Variants in CRPPA observed in about 807,000 individuals in gnomAD.
CRPPA encodes the protein CDP-L-ribitol pyrophosphorylase A, also known as D-ribitol-5-phosphate cytidylyltransferase.
CRPPA carries 43 observed loss-of-function variants against 52.0 expected under a neutral mutation model. That is an observed-to-expected ratio of 0.83 (90% CI 0.65 to 1.07). The LOEUF (loss-of-function observed/expected upper bound fraction) is 1.07. Among genes scored for constraint, CRPPA ranks in the 50% least tolerant of loss-of-function variants. The pLI, the probability that CRPPA is intolerant of heterozygous loss-of-function variation, is 0.00. For missense variants in CRPPA, 629 were observed against 551.7 expected (o/e 1.14, Z -1.40); for synonymous variants, 250 against 203.5 (o/e 1.23, Z -1.94).
At chr7:16,248,710 G>T (rs1422776420) in intron 8 of CRPPA, among the ~76,000 whole-genome samples, 2 of 152,316 alleles carry the variant, frequency 1.3e-5, no homozygotes, top group African/African-American at 4.8e-5. Flanking sequence ...ATTGGGACTG[G>T]TTGGACAGTG....
chr7:16,097,518 G>C (rs1047936761), intron 9 of CRPPA, among the ~76,000 whole-genome samples: 2 of 152,112 alleles, frequency 1.3e-5, no homozygotes, highest in African/African-American at 4.8e-5. Flanking sequence ...ATGCACAAAA[G>C]AAGAGCTCTA....
chr7:16,243,727 A>C (rs1783190702), intron 8 of CRPPA, among the ~76,000 whole-genome samples: 2 of 152,204 alleles, frequency 1.3e-5, no homozygotes, highest in African/African-American at 4.8e-5. Flanking sequence ...ACACTTTGGG[A>C]GGCCAAGGTG....
intron 5 of CRPPA, among the ~76,000 whole-genome samples, chr7:16,299,675 A>T (rs895282818): frequency 2.6e-5 from 4 of 152,232 alleles, no homozygotes; most frequent in African/African-American, 9.7e-5. Context: ...AGCTGTTTAC[A>T]CTAGGCAGGT....
At position 16,121,095 on chromosome 7, in the gene CRPPA, A is replaced by C. The variant is rs1033559406; in HGVS notation, c.1252-29296T>G. ...GATAAAAGGTAATAAAATTTGAATA[A>C]CTTGTCCAAACTCACATAGGTAATG... On this transcript the variant is annotated intron_variant, in intron 9 of 9. Coordinates refer to ENST00000407010, the MANE Select transcript of CRPPA (RefSeq NM_001101426.4). 7.9e-5 allele frequency among the ~76,000 whole-genome samples: 12 copies of C among 152,088 alleles called. 1 individual carries two copies. Among genetic ancestry groups the C allele is most frequent in the Admixed American group, 7.2e-4 (11 of 15,258 alleles).
At chr7:16,216,702 C>G (rs1281829035) in intron 8 of CRPPA, 1 of 154,364 alleles carries the variant, frequency 6.5e-6, no homozygotes, top group African/African-American at 2.4e-5. Context: ...AAAATCGGGT[C>G]ACTCCCACCC....
intron 9 of CRPPA, among the ~76,000 whole-genome samples, chr7:16,196,653 G>A (rs1397845860): frequency 6.6e-6 from 1 of 152,102 alleles, no homozygotes; most frequent in African/African-American, 2.4e-5. Flanking sequence ...ATAGTATCTA[G>A]AGAAAGACAC....
At chr7:16,222,166 A>G (rs189747109) in intron 8 of CRPPA, among the ~76,000 whole-genome samples, 1 of 152,128 alleles carries the variant, frequency 6.6e-6, no homozygotes, top group East Asian at 1.9e-4. Flanking sequence ...TGAAATTGGA[A>G]ATCATCATTC....
intron 2 of CRPPA, among the ~76,000 whole-genome samples, chr7:16,381,714 C>G (rs1787093916): frequency 1.3e-5 from 2 of 151,900 alleles, no homozygotes; most frequent in Non-Finnish European, 2.9e-5. Flanking sequence ...GTTAGCTCTT[C>G]TAGTTGAATT....
At chr7:16,336,181 G>A (rs1785674324) in intron 3 of CRPPA, among the ~76,000 whole-genome samples, 1 of 152,096 alleles carries the variant, frequency 6.6e-6, no homozygotes, top group Non-Finnish European at 1.5e-5. Flanking sequence ...AATCTCAATG[G>A]TGTAGATAGT....
At chr7:16,175,705 C>T (rs1415793634) in intron 9 of CRPPA, among the ~76,000 whole-genome samples, 7 of 152,054 alleles carry the variant, frequency 4.6e-5, no homozygotes, top group Non-Finnish European at 8.8e-5. Context: ...AATGAGAAAA[C>T]AATGTCTTAA....
intron 5 of CRPPA, among the ~76,000 whole-genome samples, chr7:16,289,151 AGAG>A (rs1267844955): frequency 2.0e-5 from 3 of 152,188 alleles, no homozygotes; most frequent in African/African-American, 7.2e-5. Context: ...CAAGATCGAA[AGAG>A]GAGGAAATAG....
In CRPPA at chr7:16,168,517, G is replaced by A. The variant is rs886692897; in HGVS notation, c.1251+47549C>T. ...TAAATTAGAACCTAAAATGACATAA[G>A]ACACTGAGTGAAGTAAAACACACAC... On this transcript the variant is annotated intron_variant, in intron 9 of 9. Coordinates refer to ENST00000407010, the MANE Select transcript of CRPPA (RefSeq NM_001101426.4). Among the ~76,000 whole-genome samples the A allele has an allele frequency of 3.5e-5, 5 of 141,388 alleles. No individual in the cohort carries two copies. In the East Asian group the frequency reaches 1.0e-3, roughly 30 times the overall value. 92.8% of individuals were successfully genotyped at this position (141,388 alleles called of 152,430 possible).
intron 2 of CRPPA, among the ~76,000 whole-genome samples, chr7:16,385,847 A>G (rs1464953633): frequency 6.6e-6 from 1 of 152,150 alleles, no homozygotes; most frequent in African/African-American, 2.4e-5. Flanking sequence ...CAAACCCCTT[A>G]TGGGATGGGG....
chr7:16,339,051 C>T (rs980144852), intron 3 of CRPPA, among the ~76,000 whole-genome samples: 15 of 151,846 alleles, frequency 9.9e-5, no homozygotes, highest in Admixed American at 2.0e-4. Flanking sequence ...GTGATCCGCC[C>T]GCCTCGGCCT....
intron 6 of CRPPA, among the ~76,000 whole-genome samples, chr7:16,267,349 T>C (rs747669753): frequency 2.6e-5 from 4 of 152,332 alleles, no homozygotes; most frequent in Admixed American, 2.6e-4. Flanking sequence ...AATCCTGTTA[T>C]AAATGCAGAT....
chr7:16,107,349 T>G lies in CRPPA; in HGVS notation c.1252-15550A>C, dbSNP rs147852797. ...TGAACTATCAAAATCAAAAAATAAA[T>G]AAAATTCTGAGAGCAGCAAGACATA... On this transcript the variant is annotated intron_variant, in intron 9 of 9. Coordinates refer to ENST00000407010, the MANE Select transcript of CRPPA (RefSeq NM_001101426.4). Among the ~76,000 whole-genome samples the G allele has an allele frequency of 2.9e-3, 439 of 151,822 alleles. 2 individuals carry two copies. The highest frequency in any genetic ancestry group is 1.0e-2 in the African/African-American group (414 of 41,416).
At chr7:16,351,643 C>T (rs1032266395) in intron 3 of CRPPA, among the ~76,000 whole-genome samples, 12 of 151,982 alleles carry the variant, frequency 7.9e-5, no homozygotes, top group African/African-American at 2.4e-4. Flanking sequence ...GACATTTATG[C>T]GGCCAAACAT....
chr7:16,400,417 G>A (rs184419610), intron 2 of CRPPA, among the ~76,000 whole-genome samples: 14 of 152,308 alleles, frequency 9.2e-5, no homozygotes, highest in Admixed American at 3.9e-4. Flanking sequence ...TGACTAACAG[G>A]TGACTGACAT....
At chr7:16,282,899 T>C (rs900275274) in intron 5 of CRPPA, among the ~76,000 whole-genome samples, 21 of 152,104 alleles carry the variant, frequency 1.4e-4, no homozygotes, top group Non-Finnish European at 2.5e-4. Context: ...TTACTACTAA[T>C]GATAAATTCT....
Sources: allele counts gnomAD v4.1 joint callset (sites outside exome capture counted in the v4.1 genomes callset), GRCh38; gene constraint gnomAD v4.1.1; transcripts MANE v1.5; gene names NCBI Gene and HGNC (gene_info 2026-07-23, HGNC 2026-07-21).